Variants in CD1B observed in about 807,000 individuals in gnomAD.
CD1B encodes T-cell surface glycoprotein CD1b.
A neutral mutation model predicts 39.8 loss-of-function variants in CD1B; 43 were observed. The ratio of observed to expected loss-of-function variants is 1.08; its 90% CI spans 0.85 to 1.39. CD1B has a LOEUF of 1.39. Among genes scored for constraint, CD1B ranks in the 40% most tolerant of loss-of-function variants. The pLI is 0.00. For synonymous variants in CD1B, 192 were observed against 152.5 expected (o/e 1.26, Z -1.91); for missense variants, 495 against 403.8 (o/e 1.23, Z -1.94).
the CD1B span, among the ~76,000 whole-genome samples, chr1:158,291,926 C>T: frequency 2.6e-5 from 4 of 152,192 alleles, no homozygotes; most frequent in African/African-American, 9.7e-5. Context: ...CTATCCCCAG[C>T]AATTTTTCTC....
the CD1B span, among the ~76,000 whole-genome samples, chr1:158,295,859 C>T: frequency 6.6e-6 from 1 of 152,172 alleles, no homozygotes; most frequent in African/African-American, 2.4e-5. Flanking sequence ...TCAGCATGCA[C>T]CTGCCTTCAG....
chr1:158,305,459 T>C, the CD1B span, among the ~76,000 whole-genome samples: 1 of 152,194 alleles, frequency 6.6e-6, no homozygotes, highest in East Asian at 1.9e-4. Context: ...GTCTGATTGG[T>C]GTACCTGAAA....
the CD1B span, among the ~76,000 whole-genome samples, chr1:158,301,048 G>T: frequency 6.6e-6 from 1 of 151,614 alleles, no homozygotes; most frequent in Non-Finnish European, 1.5e-5. Context: ...GTGAGCCACC[G>T]TGCCTTTGTC....
At chr1:158,303,521 C>A in the CD1B span, among the ~76,000 whole-genome samples, 1 of 152,068 alleles carries the variant, frequency 6.6e-6, no homozygotes, top group Non-Finnish European at 1.5e-5. Context: ...ACCTAGAAAA[C>A]CCCATAGTCT....
At chr1:158,305,870 C>G in the CD1B span, among the ~76,000 whole-genome samples, 3 of 152,186 alleles carry the variant, frequency 2.0e-5, no homozygotes, top group Admixed American at 6.5e-5. Flanking sequence ...AGTTTACAGA[C>G]AAGCAAATGC....
chr1:158,286,175 G>A, the CD1B span, among the ~76,000 whole-genome samples: 1 of 152,092 alleles, frequency 6.6e-6, no homozygotes, highest in Non-Finnish European at 1.5e-5. Context: ...AGAGCACTGG[G>A]CTCCCTCGGG....
the CD1B span, among the ~76,000 whole-genome samples, chr1:158,309,109 T>G: frequency 6.6e-5 from 10 of 152,184 alleles, no homozygotes; most frequent in South Asian, 2.1e-4. Flanking sequence ...ATCCAGAATC[T>G]ACTATGAACT....
chr1:158,297,439 G>A, the CD1B span, among the ~76,000 whole-genome samples: 3 of 152,118 alleles, frequency 2.0e-5, no homozygotes, highest in African/African-American at 7.2e-5. Context: ...AAGTCATTAA[G>A]GGAGTGCTAA....
rs1478816688 is a variant in CD1B at position 158,328,953 on chromosome 1, C to G, written c.948G>C (p.Leu316Phe). 2.5e-6 allele frequency: 4 copies of G among 1,613,402 alleles called. No individual in the cohort carries two copies. Among genetic ancestry groups the G allele is most frequent in the Non-Finnish European group, 3.4e-6 (4 of 1,179,832 alleles). Residue 316 changes from leucine to phenylalanine, a missense_variant, in exon 5 of 6, where the codon TTG (leucine) becomes TTC (phenylalanine). Coordinates refer to ENST00000368168, the MANE Select transcript of CD1B (RefSeq NM_001764.3). ...TCATATACCATAATGCAAGGCATAG[C>G]AAAAGGAGCAAGGAAGGCACTATTA... ...LAIIVPSLLLLLCLALWYMRR... is the reference protein window; with the variant it reads ...LAIIVPSLLLFLCLALWYMRR...
chr1:158,292,934 G>A, the CD1B span: 5 of 1,554,652 alleles, frequency 3.2e-6, no homozygotes, highest in Non-Finnish European at 3.5e-6. Flanking sequence ...TTAGGGGAGA[G>A]GAAATTTTGA....
the CD1B span, chr1:158,293,398 T>A: frequency 6.2e-7 from 1 of 1,602,190 alleles, no homozygotes; most frequent in Non-Finnish European, 8.5e-7. Context: ...CTCCACCTTA[T>A]CCTCAGTTAC....
the CD1B span, among the ~76,000 whole-genome samples, chr1:158,286,188 A>G: frequency 2.0e-5 from 3 of 152,164 alleles, no homozygotes; most frequent in Non-Finnish European, 2.9e-5. Context: ...CCCTCGGGAC[A>G]ACCCAGCCCC....
the CD1B span, among the ~76,000 whole-genome samples, chr1:158,299,955 C>G: frequency 6.6e-6 from 1 of 151,862 alleles, no homozygotes; most frequent in Non-Finnish European, 1.5e-5. Flanking sequence ...ATTCATTGAT[C>G]TTTTGAAGAT....
chr1:158,320,036 C>G, the CD1B span, among the ~76,000 whole-genome samples: 3 of 152,200 alleles, frequency 2.0e-5, no homozygotes, highest in Admixed American at 1.3e-4. Flanking sequence ...TCTCCAGCTG[C>G]GTACTGGGAG....
In CD1B at chr1:158,329,848, T is replaced by A. The variant is rs1160644576; in HGVS notation, c.607+4A>T. On this transcript the variant is annotated splice_donor_region_variant and intron_variant, in intron 3 of 5. Coordinates refer to ENST00000368168, the MANE Select transcript of CD1B (RefSeq NM_001764.3). ...GTGGGAAGTGAAATAACAGCAGGAC[T>A]AACCTTGTCTTTGCAGATCTGCTTT... 1.4e-5 allele frequency: 22 copies of A among 1,611,432 alleles called. No homozygotes were observed. The highest frequency in any genetic ancestry group is 1.9e-5 in the Non-Finnish European group (22 of 1,178,600).
chr1:158,292,597 G>A, the CD1B span: 1 of 1,612,170 alleles, frequency 6.2e-7, no homozygotes, highest in East Asian at 2.2e-5. Context: ...TCTCTGCAGT[G>A]AGGCCAGAAG....
At chr1:158,304,725 T>C in the CD1B span, among the ~76,000 whole-genome samples, 1 of 152,190 alleles carries the variant, frequency 6.6e-6, no homozygotes, top group African/African-American at 2.4e-5. Flanking sequence ...GGCAGGGTAC[T>C]CCTCTGAGAC....
At chr1:158,325,091 C>CTGATGG, downstream of CD1B, among the ~76,000 whole-genome samples, 1 of 151,222 alleles carries the variant, frequency 6.6e-6, no homozygotes, top group South Asian at 2.1e-4. Flanking sequence ...TACCTTGATT[C>CTGATGG]CATCAAGGTA....
the CD1B span, among the ~76,000 whole-genome samples, chr1:158,302,402 A>C: frequency 5.3e-4 from 81 of 152,218 alleles, no homozygotes; most frequent in Admixed American, 7.8e-4. Context: ...AGGAAAAAAA[A>C]CCTAAAGCTA....
Sources: allele counts gnomAD v4.1 joint callset (sites outside exome capture counted in the v4.1 genomes callset), GRCh38; gene constraint gnomAD v4.1.1; transcripts MANE v1.5; gene names NCBI Gene and HGNC (gene_info 2026-07-23, HGNC 2026-07-21).